The following LPP variants were observed in gnomAD, a reference collection of about 807,000 sequenced individuals.
LPP encodes LIM domain containing preferred translocation partner in lipoma, also known as lipoma-preferred partner.
A neutral mutation model predicts 60.4 loss-of-function variants in LPP; 38 were observed. The ratio of observed to expected loss-of-function variants is 0.63; its 90% CI spans 0.49 to 0.83. The LOEUF (loss-of-function observed/expected upper bound fraction) is 0.83, where lower values mean the gene tolerates loss of function less well. LPP is among the 40% of genes least tolerant of loss of function. The pLI, the probability that LPP is intolerant of heterozygous loss-of-function variation, is 0.00. For synonymous variants in LPP, 328 were observed against 290.8 expected (o/e 1.13, Z -1.30); for missense variants, 902 against 783.6 (o/e 1.15, Z -1.80).
At chr3:188,459,846 G>A (rs938294787) in intron 4 of LPP, among the ~76,000 whole-genome samples, 1 of 152,006 alleles carries the variant, frequency 6.6e-6, no homozygotes, top group Non-Finnish European at 1.5e-5. Context: ...TCATGGGGGG[G>A]GGTTCTTTGT....
chr3:188,545,432 A>G (rs188840998), intron 6 of LPP, among the ~76,000 whole-genome samples: 28 of 152,026 alleles, frequency 1.8e-4, no homozygotes, highest in African/African-American at 6.3e-4. Flanking sequence ...CTCCATCTGT[A>G]TCTGTATCAG....
intron 4 of LPP, among the ~76,000 whole-genome samples, chr3:188,429,956 T>G (rs984392213): frequency 6.6e-6 from 1 of 152,178 alleles, no homozygotes; most frequent in South Asian, 2.1e-4. Flanking sequence ...CGTATTATGG[T>G]TGACATTAAA....
At chr3:188,667,899 C>G (rs1190933186) in intron 7 of LPP, among the ~76,000 whole-genome samples, 1 of 151,510 alleles carries the variant, frequency 6.6e-6, no homozygotes, top group African/African-American at 2.4e-5. Context: ...CTTGATGAAG[C>G]CTTGATGGTT....
intron 6 of LPP, among the ~76,000 whole-genome samples, chr3:188,552,546 C>T (rs565077744): frequency 7.9e-5 from 12 of 152,278 alleles, no homozygotes; most frequent in African/African-American, 2.9e-4. Context: ...TAGTCCAGGA[C>T]TCACTGGGTT....
chr3:188,433,716 G>C (rs1028633763), intron 4 of LPP, among the ~76,000 whole-genome samples: 3 of 148,962 alleles, frequency 2.0e-5, no homozygotes, highest in African/African-American at 7.4e-5. Flanking sequence ...GGAGAAGAGA[G>C]GCCAGAGAGA....
chr3:188,699,808 G>A (rs985294215), intron 7 of LPP, among the ~76,000 whole-genome samples: 1 of 152,112 alleles, frequency 6.6e-6, no homozygotes, highest in African/African-American at 2.4e-5. Flanking sequence ...CAAATCATCT[G>A]CCCCTGGCCA....
intron 4 of LPP, among the ~76,000 whole-genome samples, chr3:188,442,334 T>C (rs1271348970): frequency 1.3e-5 from 2 of 152,154 alleles, no homozygotes; most frequent in African/African-American, 2.4e-5. Flanking sequence ...CCGTGTGTTC[T>C]CATTGTTCAA....
intron 5 of LPP, among the ~76,000 whole-genome samples, chr3:188,492,269 G>A (rs1808599325): frequency 6.6e-6 from 1 of 152,114 alleles, no homozygotes; most frequent in South Asian, 2.1e-4. Context: ...GGTTCTTTTT[G>A]AGTCAGTGAA....
chr3:188,248,847 A>G (rs1201305858), intron 2 of LPP, among the ~76,000 whole-genome samples: 1 of 152,120 alleles, frequency 6.6e-6, no homozygotes, highest in African/African-American at 2.4e-5. Context: ...CGTTTTTAAA[A>G]ATTGATGCTA....
At chr3:188,316,758 A>G (rs1302139759) in intron 2 of LPP, among the ~76,000 whole-genome samples, 1 of 152,234 alleles carries the variant, frequency 6.6e-6, no homozygotes, top group South Asian at 2.1e-4. Context: ...GAGAATCAAA[A>G]CAAAAATGCA....
chr3:188,403,767 A>G (rs890388060), intron 3 of LPP, among the ~76,000 whole-genome samples: 10 of 152,150 alleles, frequency 6.6e-5, no homozygotes, highest in African/African-American at 2.4e-4. Context: ...TAGTTTTTCT[A>G]TATTGGTTTT....
intron 3 of LPP, among the ~76,000 whole-genome samples, chr3:188,364,309 T>A (rs1448225461): frequency 6.6e-6 from 1 of 152,250 alleles, no homozygotes; most frequent in Non-Finnish European, 1.5e-5. Context: ...GGAATCTTTT[T>A]GCTATCCCTG....
intron 6 of LPP, among the ~76,000 whole-genome samples, chr3:188,578,290 T>C (rs1267387124): frequency 1.3e-5 from 2 of 152,096 alleles, no homozygotes; most frequent in African/African-American, 4.8e-5. Flanking sequence ...TCCTTTTTTC[T>C]TTTAAGGTTC....
intron 3 of LPP, among the ~76,000 whole-genome samples, chr3:188,382,704 C>T (rs1777218772): frequency 1.3e-5 from 2 of 152,142 alleles, no homozygotes; most frequent in Non-Finnish European, 2.9e-5. Flanking sequence ...ATGTACAGGG[C>T]TAATTATGGT....
Position 188,610,129 on chromosome 3 carries a change from G to A in LPP, c.1113+285G>A, listed in dbSNP as rs1474102932. Among the ~76,000 whole-genome samples, 1 of 152,192 alleles carries A rather than the reference G, an allele frequency of 6.6e-6. No homozygotes were observed. The highest frequency in any genetic ancestry group is 1.9e-4 in the East Asian group (1 of 5,198). On this transcript the variant is annotated intron_variant, in intron 7 of 11. Transcript: ENST00000617246. The surrounding 1 kb of genome is among the most constrained non-coding windows in gnomAD (Gnocchi z 4.4). Reference sequence around the variant, plus strand: ...CATCTGAGGACAAAGTGTTCTGATGGAGAAAGAGAAAATAATTTATTTTTC... The same window carrying A: ...CATCTGAGGACAAAGTGTTCTGATGAAGAAAGAGAAAATAATTTATTTTTC...
intron 6 of LPP, among the ~76,000 whole-genome samples, chr3:188,590,020 T>G (rs1253587291): frequency 6.6e-6 from 1 of 152,232 alleles, no homozygotes; most frequent in African/African-American, 2.4e-5. Context: ...ACAGCACTCT[T>G]TCGTATACTT....
At chr3:188,459,419 C>T (rs1186067060) in intron 4 of LPP, among the ~76,000 whole-genome samples, 4 of 152,146 alleles carry the variant, frequency 2.6e-5, no homozygotes, top group African/African-American at 9.7e-5. Flanking sequence ...TCCACAGCTT[C>T]CTGACAAGAG....
intron 4 of LPP, among the ~76,000 whole-genome samples, chr3:188,453,097 G>A (rs1271664301): frequency 2.6e-5 from 4 of 152,054 alleles, no homozygotes; most frequent in Non-Finnish European, 5.9e-5. Context: ...CCTCTTGAAT[G>A]TTTATGATAC....
chr3:188,563,458 A>ATGTGTGTGTGTG (rs966931196), intron 6 of LPP, among the ~76,000 whole-genome samples: 1,076 of 76,030 alleles, frequency 0.014, 13 homozygotes, highest in African/African-American at 0.048. Context: ...ATTTACATAT[A>ATGTGTGTGTGTG]TATGTGTGTG....
Sources: gnomAD v4.1 joint callset for allele counts (sites outside exome capture counted in the v4.1 genomes callset) on GRCh38, gnomAD v4.1.1 for gene constraint, Gnocchi (gnomAD v3.1) non-coding constraint, MANE v1.5 for transcripts, NCBI Gene and HGNC (gene_info 2026-07-23, HGNC 2026-07-21) for gene names.